Variants in KRT86 observed in about 807,000 individuals in gnomAD.
The protein encoded by KRT86 is keratin, type II cuticular Hb6.
Under a neutral mutation model 41.2 loss-of-function variants are expected in KRT86, and 30 were observed. That is an observed-to-expected ratio of 0.73 (90% CI 0.54 to 0.99). The LOEUF is 0.99. Among genes scored for constraint, KRT86 ranks in the 50% least tolerant of loss-of-function variants. KRT86 has a pLI of 0.00. For synonymous variants in KRT86, 238 were observed against 238.1 expected (o/e 1.00, Z 0.00); for missense variants, 561 against 571.4 (o/e 0.98, Z 0.19).
intron 2 of KRT86, among the ~76,000 whole-genome samples, chr12:52,291,823 G>A (rs1353622485): frequency 3.3e-5 from 5 of 152,092 alleles, no homozygotes; most frequent in Admixed American, 6.5e-5. Context: ...AGGAGAGGAC[G>A]AGAAGGAGGA....
At chr12:52,291,159 T>C in intron 2 of KRT86, 1 of 1,130,698 alleles carries the variant, frequency 8.8e-7, no homozygotes, top group Non-Finnish European at 1.2e-6. Context: ...TCCTCCTGCT[T>C]CACGCACTGC....
chr12:52,297,537 G>A (rs901005227), intron 2 of KRT86, among the ~76,000 whole-genome samples: 9 of 152,178 alleles, frequency 5.9e-5, no homozygotes, highest in African/African-American at 9.7e-5. Context: ...AGAATGAACC[G>A]AAGGGAGCAC....
At position 52,305,031 on chromosome 12, in the gene KRT86, C is replaced by A. The variant is rs768312774; in HGVS notation, c.735+4C>A. 5 of 1,613,626 alleles carry A rather than the reference C, an allele frequency of 3.1e-6. No individual in the cohort carries two copies. The South Asian group carries it at 4.4e-5, about 14-fold the overall frequency. Reference sequence around the variant, plus strand: ...CCTGAGGCGGCTGTATGAGGAGGTGCGGGCTCAGGGGCCAGGCAGAGACCT... The same window carrying A: ...CCTGAGGCGGCTGTATGAGGAGGTGAGGGCTCAGGGGCCAGGCAGAGACCT... On this transcript the variant is annotated splice_donor_region_variant and intron_variant, in intron 6 of 10. Coordinates refer to ENST00000423955, the MANE Select transcript of KRT86 (RefSeq NM_001320198.2).
intron 2 of KRT86, chr12:52,286,430 A>G (rs1419981004): frequency 6.4e-7 from 1 of 1,553,032 alleles, no homozygotes; most frequent in South Asian, 1.2e-5. Flanking sequence ...ACTGCCAGTC[A>G]CTGGCCGGGA....
intron 2 of KRT86, among the ~76,000 whole-genome samples, chr12:52,300,148 T>C (rs1321156628): frequency 1.3e-5 from 2 of 152,232 alleles, no homozygotes; most frequent in African/African-American, 4.8e-5. Context: ...ATTTCAACTT[T>C]TCTGCTGCAA....
intron 1 of KRT86, 104 bp downstream of exon 1, chr12:52,274,826 T>C (rs968427465): frequency 1.1e-5 from 7 of 653,392 alleles, no homozygotes; most frequent in Non-Finnish European, 1.1e-5. Context: ...AGCAGAAAAG[T>C]TGGGGGCAGT....
At chr12:52,288,573 C>T (rs1331519156) in intron 2 of KRT86, 2 of 1,214,616 alleles carry the variant, frequency 1.6e-6, no homozygotes, top group African/African-American at 3.0e-5. Flanking sequence ...GTCCCATTCC[C>T]ATGCCTTTCC....
At chr12:52,288,662 C>T (rs1000437601) in intron 2 of KRT86, among the ~76,000 whole-genome samples, 7 of 152,244 alleles carry the variant, frequency 4.6e-5, no homozygotes, top group Admixed American at 1.3e-4. Flanking sequence ...GACCATGCCT[C>T]ACCAGCCTTT....
chr12:52,301,146 A>T (rs551494504), intron 2 of KRT86, among the ~76,000 whole-genome samples: 13 of 150,990 alleles, frequency 8.6e-5, no homozygotes, highest in Non-Finnish European at 1.6e-4. Context: ...TGTGTGTGTG[A>T]GTGTGTATGT....
chr12:52,293,353 TC>T lies in KRT86; in HGVS notation c.-4-8557del, dbSNP rs147719688. On this transcript the variant is annotated intron_variant, in intron 2 of 10. Coordinates refer to ENST00000423955, the MANE Select transcript of KRT86 (RefSeq NM_001320198.2). ...GAGGTTAAATAACTTGCCCGAAGTC[TC>T]CCAGCTGGTAAGTGATGGAGCCAGG... Among the ~76,000 whole-genome samples, 525 of 152,354 alleles carry T rather than the reference TC, an allele frequency of 3.4e-3. 3 individuals carry two copies. The highest frequency in any genetic ancestry group is 0.012 in the African/African-American group (510 of 41,582).
Position 52,308,400 on chromosome 12 carries a change from G to T in KRT86, c.1280-4G>T. On this transcript the variant is annotated splice_polypyrimidine_tract_variant and splice_region_variant and intron_variant, in intron 10 of 10. Coordinates refer to ENST00000423955, the MANE Select transcript of KRT86 (RefSeq NM_001320198.2). The stretch of plus-strand genomic sequence containing the variant: ...ACGCGCGCCTCCGTCTCTTTCCCCT[G>T]CAGGCGTCAGCAGCTCCCGCGGTGG... 1 of 1,611,024 alleles carries T rather than the reference G, an allele frequency of 6.2e-7. No homozygotes were observed.
intron 2 of KRT86, chr12:52,287,032 C>A: frequency 6.2e-7 from 1 of 1,611,830 alleles, no homozygotes; most frequent in South Asian, 1.1e-5. Flanking sequence ...CATTGCTCAG[C>A]CAAGGCCAAG....
intron 2 of KRT86, chr12:52,291,595 G>C: frequency 9.8e-6 from 14 of 1,423,472 alleles, no homozygotes; most frequent in Non-Finnish European, 1.3e-5. Context: ...TGGCTGTGAA[G>C]ATGATGTTGG....
chr12:52,287,901 C>T (rs1298325707), intron 2 of KRT86: 1 of 1,611,614 alleles, frequency 6.2e-7, no homozygotes, highest in South Asian at 1.1e-5. Context: ...GACCAGCATC[C>T]CCAGAAAAGG....
chr12:52,288,029 A>C, intron 2 of KRT86: 1 of 1,614,196 alleles, frequency 6.2e-7, no homozygotes. Flanking sequence ...TGCGGGTGAC[A>C]ATGTCGTCAT....
intron 2 of KRT86, among the ~76,000 whole-genome samples, chr12:52,291,801 A>T (rs748836431): frequency 9.9e-5 from 15 of 151,962 alleles, no homozygotes; most frequent in Non-Finnish European, 1.5e-4. Context: ...TGGGGAGGGA[A>T]GGGGAAGGCA....
chr12:52,294,009 G>A (rs140412629), intron 2 of KRT86, among the ~76,000 whole-genome samples: 111 of 152,328 alleles, frequency 7.3e-4, no homozygotes, highest in African/African-American at 2.6e-3. Context: ...TCAGAGTGTG[G>A]CCTTGTGCAG....
intron 2 of KRT86, 141 bp downstream of exon 2, chr12:52,276,087 A>G (rs1198247933): frequency 2.4e-6 from 2 of 842,960 alleles, no homozygotes; most frequent in Admixed American, 6.2e-5. Flanking sequence ...ACAGCAGTGC[A>G]GCTGCATGCA....
intron 2 of KRT86, chr12:52,279,183 C>T (rs1380089259): frequency 1.3e-5 from 2 of 152,276 alleles, no homozygotes; most frequent in African/African-American, 2.4e-5. Flanking sequence ...GCTCTCCCGG[C>T]TGTGTCCGTG....
Sources: gnomAD v4.1 joint callset for allele counts (sites outside exome capture counted in the v4.1 genomes callset) on GRCh38, gnomAD v4.1.1 for gene constraint, MANE v1.5 for transcripts, NCBI Gene and HGNC (gene_info 2026-07-23, HGNC 2026-07-21) for gene names.